The following ATP8A2 variants were observed in gnomAD, a reference collection of about 807,000 sequenced individuals.
The protein encoded by ATP8A2 is phospholipid-transporting ATPase IB.
In ATP8A2, 100 loss-of-function variants were observed where a neutral mutation model predicts 165.6. That is an observed-to-expected ratio of 0.60 (90% CI 0.51 to 0.71). The LOEUF is 0.71. Among genes scored for constraint, ATP8A2 ranks in the 30% least tolerant of loss-of-function variants. ATP8A2 has a pLI of 0.00. For missense variants in ATP8A2, 1,227 were observed against 1,479.5 expected (o/e 0.83, Z 2.80); for synonymous variants, 543 against 548.8 (o/e 0.99, Z 0.15).
At chr13:25,810,671 C>A (rs1435489302) in intron 27 of ATP8A2, among the ~76,000 whole-genome samples, 1 of 150,512 alleles carries the variant, frequency 6.6e-6, no homozygotes, top group African/African-American at 2.5e-5. Context: ...TAATATATGA[C>A]TGTGTCTATC....
chr13:25,988,797 G>A (rs1956323105), intron 35 of ATP8A2, among the ~76,000 whole-genome samples: 1 of 152,210 alleles, frequency 6.6e-6, no homozygotes, highest in Non-Finnish European at 1.5e-5. Context: ...GCTGAACTTT[G>A]AGTGACTCAC....
At chr13:25,554,015 A>G in intron 12 of ATP8A2, 95 bp downstream of exon 12, 2 of 1,334,888 alleles carry the variant, frequency 1.5e-6, no homozygotes, top group Non-Finnish European at 1.0e-6. Context: ...AACTATATTC[A>G]TTTACCATTA....
intron 25 of ATP8A2, among the ~76,000 whole-genome samples, chr13:25,726,153 G>A (rs2043488875): frequency 6.6e-6 from 1 of 152,170 alleles, no homozygotes; most frequent in Non-Finnish European, 1.5e-5. Context: ...TTTGTAAAGA[G>A]GATAATTTTC....
chr13:25,817,227 T>TA (rs1311452881), intron 27 of ATP8A2, among the ~76,000 whole-genome samples: 2 of 151,884 alleles, frequency 1.3e-5, no homozygotes, highest in Non-Finnish European at 2.9e-5. Context: ...CCTTGAACTA[T>TA]AAAAAAAATT....
chr13:25,635,896 A>C (rs2041355526), intron 24 of ATP8A2, among the ~76,000 whole-genome samples: 1 of 152,236 alleles, frequency 6.6e-6, no homozygotes, highest in Admixed American at 6.5e-5. Flanking sequence ...TAACAAAATT[A>C]TTTTAAATGG....
intron 33 of ATP8A2, among the ~76,000 whole-genome samples, chr13:25,925,132 A>G (rs1462920611): frequency 6.6e-6 from 1 of 151,966 alleles, no homozygotes; most frequent in Non-Finnish European, 1.5e-5. Context: ...TCTTTTTTTT[A>G]ATAAGTGATG....
At chr13:25,825,145 CTTTTTTTTTTTT>C (rs60778003) in intron 27 of ATP8A2, among the ~76,000 whole-genome samples, 16 of 27,512 alleles carry the variant, frequency 5.8e-4, no homozygotes, top group South Asian at 1.9e-3. Context: ...TATGTGTTTG[CTTTTTTTTTTTT>C]TTTTTTTTTT....
chr13:25,553,201 C>G (rs1034087575), intron 11 of ATP8A2, among the ~76,000 whole-genome samples: 1 of 150,962 alleles, frequency 6.6e-6, no homozygotes, highest in East Asian at 2.0e-4. Flanking sequence ...CTCCCTCCCC[C>G]ATTCTCTGTT....
intron 35 of ATP8A2, among the ~76,000 whole-genome samples, chr13:25,975,597 A>G (rs781010345): frequency 4.1e-4 from 62 of 151,704 alleles, no homozygotes; most frequent in Admixed American, 3.9e-4. Context: ...AAAAAAAAGA[A>G]GTTTTATTTT....
At chr13:25,450,590 G>A (rs2035190523) in intron 1 of ATP8A2, among the ~76,000 whole-genome samples, 1 of 152,184 alleles carries the variant, frequency 6.6e-6, no homozygotes, top group African/African-American at 2.4e-5. Context: ...GGAGTGCAGT[G>A]GTGTGATCTC....
chr13:25,373,929 A>T (rs577957839), intron 1 of ATP8A2, among the ~76,000 whole-genome samples: 2 of 152,300 alleles, frequency 1.3e-5, no homozygotes, highest in East Asian at 3.9e-4. Flanking sequence ...AAGAGTCAGC[A>T]CTTGCTTGGA....
chr13:25,998,008 C>T (rs1420563757), intron 35 of ATP8A2, among the ~76,000 whole-genome samples: 1 of 152,162 alleles, frequency 6.6e-6, no homozygotes, highest in Non-Finnish European at 1.5e-5. Flanking sequence ...GAAACCTGGA[C>T]ATTTTGGCTA....
In ATP8A2 at chr13:25,543,354, G is replaced by C. The variant is rs532757124; in HGVS notation, c.843G>C (p.Trp281Cys). 92 of 1,613,304 alleles carry C rather than the reference G, an allele frequency of 5.7e-5. No individual in the cohort carries two copies. In the East Asian group the frequency reaches 1.9e-3, roughly 32 times the overall value. Reference sequence around the variant, plus strand: ...GTACACAGCTTAGAAATACTCAGTGGGTCTTTGGCATAGTTGTTTATACTG... The same window carrying C: ...GTACACAGCTTAGAAATACTCAGTGCGTCTTTGGCATAGTTGTTTATACTG... ...LRGTQLRNTQ[W>C]VFGIVVYTGH... The change falls in exon 10 of 37, where the codon TGG becomes TGC. Residue 281 changes from tryptophan (W) to cysteine (C), a missense_variant. By Grantham distance (215) the Trp-to-Cys change is radical (BLOSUM62 -2). This residue lies in a region of ATP8A2 where 356 missense variants were observed against 394.9 expected (regional missense o/e 0.90). Coordinates refer to ENST00000381655, the MANE Select transcript of ATP8A2 (RefSeq NM_016529.6).
chr13:25,525,413 A>G (rs1010631575), intron 2 of ATP8A2, among the ~76,000 whole-genome samples: 1 of 152,076 alleles, frequency 6.6e-6, no homozygotes, highest in Non-Finnish European at 1.5e-5. Context: ...ATACCTTCAA[A>G]TGTTTTCTAT....
intron 25 of ATP8A2, among the ~76,000 whole-genome samples, chr13:25,725,644 T>C (rs141011890): frequency 1.4e-4 from 22 of 152,326 alleles, no homozygotes; most frequent in African/African-American, 4.6e-4. Flanking sequence ...ACCAGACACA[T>C]GATTCTTCTG....
At chr13:25,960,694 G>C (rs1201024811) in intron 33 of ATP8A2, among the ~76,000 whole-genome samples, 1 of 151,958 alleles carries the variant, frequency 6.6e-6, no homozygotes, top group Non-Finnish European at 1.5e-5. Context: ...CCCCATCTCT[G>C]TTCAGAGTAA....
intron 33 of ATP8A2, among the ~76,000 whole-genome samples, chr13:25,876,646 T>C (rs1952826439): frequency 6.6e-6 from 1 of 152,212 alleles, no homozygotes; most frequent in Non-Finnish European, 1.5e-5. Context: ...TGCCTTTTTA[T>C]GATTAATGTG....
chr13:25,558,735 T>A (rs1167138816), intron 13 of ATP8A2, among the ~76,000 whole-genome samples: 1 of 152,196 alleles, frequency 6.6e-6, no homozygotes, highest in Non-Finnish European at 1.5e-5. Context: ...TCAGAGCTCT[T>A]ATTGCAACTC....
chr13:25,375,380 T>A (rs1241240753), intron 1 of ATP8A2, among the ~76,000 whole-genome samples: 4 of 151,838 alleles, frequency 2.6e-5, no homozygotes, highest in Non-Finnish European at 4.4e-5. Flanking sequence ...AAATTAAGGG[T>A]GTACATGTGA....
Sources: allele counts gnomAD v4.1 joint callset (sites outside exome capture counted in the v4.1 genomes callset), GRCh38; gene constraint gnomAD v4.1.1; regional missense constraint gnomAD v4.1.1; transcripts MANE v1.5; gene names NCBI Gene and HGNC (gene_info 2026-07-23, HGNC 2026-07-21).